Variants in CRHBP observed in about 807,000 individuals in gnomAD.
CRHBP encodes corticotropin-releasing hormone-binding protein.
Under a neutral mutation model 34.9 loss-of-function variants are expected in CRHBP, and 19 were observed. That is an observed-to-expected ratio of 0.55 (90% CI 0.38 to 0.80). CRHBP has a LOEUF of 0.80. Ranked by LOEUF, CRHBP falls within the 30% of genes least tolerant of loss-of-function variation. The pLI is 0.00. For synonymous variants in CRHBP, 154 were observed against 153.4 expected (o/e 1.00, Z -0.03); for missense variants, 328 against 409.2 (o/e 0.80, Z 1.71).
chr5:76,967,707 T>A lies in CRHBP; in HGVS notation c.812-1021T>A, dbSNP rs532823325. 1.1e-3 allele frequency among the ~76,000 whole-genome samples: 164 copies of A among 152,126 alleles called. 4 individuals carry two copies. The highest frequency in any genetic ancestry group is 2.6e-4 in the Non-Finnish European group (18 of 67,994). On this transcript the variant is annotated intron_variant, in intron 6 of 6. Transcript: ENST00000274368. ...TAAATAATGAATAAGATTGGATTTT[T>A]TTTTTTTTTGAGATGGAGTCTCACT...
At chr5:76,979,747 T>C (rs1269780871) in intron 3 of CRHBP, among the ~76,000 whole-genome samples, 4 of 152,200 alleles carry the variant, frequency 2.6e-5, no homozygotes, top group Non-Finnish European at 2.9e-5. Flanking sequence ...CTTCTATATG[T>C]ACTAGGAAAC....
Position 76,976,062 on chromosome 5 carries a change from A to G in CRHBP, n.312-303A>G, listed in dbSNP as rs889525197. Among the ~76,000 whole-genome samples, 33 of 151,174 alleles carry G rather than the reference A, an allele frequency of 2.2e-4. 1 individual carries two copies. Among genetic ancestry groups the G allele is most frequent in the Non-Finnish European group, 1.0e-4 (7 of 67,912 alleles). The stretch of plus-strand genomic sequence containing the variant: ...GCCAATCCCTTCACCCATCACATCC[A>G]GGCTTATTAGCAGAGGCCTCTGTGA... On this transcript the variant is annotated intron_variant and non_coding_transcript_variant, in intron 2 of 3. Transcript: ENST00000514258.
At position 76,953,447 on chromosome 5, in the gene CRHBP, G is replaced by A. The variant is rs1347471264; in HGVS notation, c.82-154G>A. On this transcript the variant is annotated intron_variant, in intron 1 of 6. Coordinates refer to ENST00000274368, the MANE Select transcript of CRHBP (RefSeq NM_001882.4). ...GGGATACCCTGGCCTGATGGAGAGG[G>A]TCTAAGACCTTCCCGTCTTCTCCGG... is the stretch of plus-strand genomic sequence containing the variant. 19 of 936,714 alleles carry A rather than the reference G, an allele frequency of 2.0e-5. No individual in the cohort carries two copies. The East Asian group carries it at 3.1e-4, about 16-fold the overall frequency. The allele number at this position is 936,714 out of a possible 1,614,324, so 58.0% of individuals were successfully genotyped here.
chr5:76,955,616 G>A (rs373212338), intron 3 of CRHBP, 37 bp from the exon 4 acceptor site: 91 of 1,591,206 alleles, frequency 5.7e-5, no homozygotes, highest in Non-Finnish European at 7.4e-5. Context: ...AGGAGTTGAT[G>A]GAAATGATAG....
At chr5:76,964,408 T>C (rs112583727) in intron 6 of CRHBP, among the ~76,000 whole-genome samples, 1 of 152,226 alleles carries the variant, frequency 6.6e-6, no homozygotes, top group African/African-American at 2.4e-5. Context: ...GATCAGCTGT[T>C]ACCTGTAATA....
chr5:76,953,799 G>T (rs1745616460), intron 2 of CRHBP, 105 bp downstream of exon 2: 1 of 1,298,512 alleles, frequency 7.7e-7, no homozygotes, highest in Non-Finnish European at 1.1e-6. Flanking sequence ...GGGCTGGCCG[G>T]AACCGCCAGG....
chr5:76,973,546 A>G (rs1027768597), downstream of CRHBP, among the ~76,000 whole-genome samples: 3 of 152,230 alleles, frequency 2.0e-5, no homozygotes, highest in Admixed American at 6.5e-5. Flanking sequence ...AGTCAGTTTT[A>G]TATCAGTCTT....
rs370104949 is a variant in CRHBP at position 76,954,057 on chromosome 5, C to T, written c.204C>T (p.Gly68=). 4 of 1,613,844 alleles carry T rather than the reference C, an allele frequency of 2.5e-6. No homozygotes were observed. The South Asian group carries it at 3.3e-5, about 13-fold the overall frequency. Residue 68 remains glycine, a synonymous_variant, in exon 3 of 7, where the codon GGC becomes GGT. Coordinates refer to ENST00000274368, the MANE Select transcript of CRHBP (RefSeq NM_001882.4). ...LRCLDMLSLQ[G]QFTFTADRPQ... is the part of the protein sequence containing the mutation. Reference sequence around the variant, plus strand: ...GCCTGGACATGCTGAGCCTCCAGGGCCAGTTCACCTTCACCGCCGACCGGC... The same window carrying T: ...GCCTGGACATGCTGAGCCTCCAGGGTCAGTTCACCTTCACCGCCGACCGGC...
At chr5:76,955,146 GTGA>G (rs1561264371) in intron 3 of CRHBP, among the ~76,000 whole-genome samples, 1 of 152,178 alleles carries the variant, frequency 6.6e-6, no homozygotes, top group African/African-American at 2.4e-5. Context: ...AAAGTAATAT[GTGA>G]TGATATTTTT....
At chr5:76,980,547 G>C (rs1221776305) in intron 3 of CRHBP, among the ~76,000 whole-genome samples, 4 of 152,116 alleles carry the variant, frequency 2.6e-5, no homozygotes, top group Non-Finnish European at 4.4e-5. Flanking sequence ...TGGCCTAATG[G>C]GACAGCTCAT....
At chr5:76,966,041 G>A (rs1326589755) in intron 6 of CRHBP, among the ~76,000 whole-genome samples, 1 of 152,040 alleles carries the variant, frequency 6.6e-6, no homozygotes, top group Non-Finnish European at 1.5e-5. Flanking sequence ...GTTTTGAGAT[G>A]GAGTTTCACT....
rs940745451 is a variant in CRHBP at position 76,969,006 on chromosome 5, C to T, written c.*121C>T. The T allele has an allele frequency of 2.2e-5, 23 of 1,065,926 alleles. No individual in the cohort carries two copies. Among genetic ancestry groups the T allele is most frequent in the African/African-American group, 3.2e-5 (2 of 62,600 alleles). The allele number at this position is 1,065,926 out of a possible 1,614,324, so 66.0% of individuals were successfully genotyped here. A position where few individuals can be genotyped will look rare whatever the true frequency, so the allele number is the denominator to read the frequency against. On this transcript the variant is annotated 3_prime_UTR_variant, in exon 7 of 7. Coordinates refer to ENST00000274368, the MANE Select transcript of CRHBP (RefSeq NM_001882.4). ...ACCAGTCAGTATTCCCAGCCTTGAG[C>T]GCACGCGCGCACACACACACACACA...
chr5:76,954,235 G>C (rs369510749), intron 3 of CRHBP, 49 bp downstream of exon 3: 1 of 1,592,058 alleles, frequency 6.3e-7, no homozygotes, highest in African/African-American at 1.3e-5. Context: ...GCACGGGAGG[G>C]TTGGAAAGGG....
At chr5:76,964,778 C>T (rs1370342540) in intron 6 of CRHBP, among the ~76,000 whole-genome samples, 1 of 152,132 alleles carries the variant, frequency 6.6e-6, no homozygotes, top group Non-Finnish European at 1.5e-5. Flanking sequence ...ATTGCTTGAA[C>T]CCGGGCAGTG....
At chr5:76,963,535 T>C (rs1745813741) in intron 6 of CRHBP, 75 bp downstream of exon 6, 3 of 1,316,504 alleles carry the variant, frequency 2.3e-6, no homozygotes, top group Non-Finnish European at 3.2e-6. Flanking sequence ...TAATATTTTC[T>C]ACATTGGAAG....
At chr5:76,967,182 CA>C (rs2150709121) in intron 6 of CRHBP, among the ~76,000 whole-genome samples, 1 of 152,154 alleles carries the variant, frequency 6.6e-6, no homozygotes, top group East Asian at 1.9e-4. Flanking sequence ...GCAGAGGTTG[CA>C]GCGAGCCAAG....
At chr5:76,964,239 T>C (rs1745824778) in intron 6 of CRHBP, among the ~76,000 whole-genome samples, 1 of 152,196 alleles carries the variant, frequency 6.6e-6, no homozygotes, top group African/African-American at 2.4e-5. Context: ...ATAGCTTTAC[T>C]TCAGACACAG....
At chr5:76,975,825 A>AAAAAAAAAAAAT in intron 2 of CRHBP, among the ~76,000 whole-genome samples, 4 of 61,858 alleles carry the variant, frequency 6.5e-5, no homozygotes, top group East Asian at 5.2e-4. Context: ...AAAAAAAAAA[A>AAAAAAAAAAAAT]ATATATATAT....
intron 3 of CRHBP, among the ~76,000 whole-genome samples, chr5:76,977,746 G>C (rs1453929837): frequency 6.6e-6 from 1 of 152,160 alleles, no homozygotes; most frequent in East Asian, 1.9e-4. Context: ...AAGAGTCCCA[G>C]GTTTTCTCAC....
Sources: allele counts gnomAD v4.1 joint callset (sites outside exome capture counted in the v4.1 genomes callset), GRCh38; gene constraint gnomAD v4.1.1; transcripts MANE v1.5; gene names NCBI Gene and HGNC (gene_info 2026-07-23, HGNC 2026-07-21).